RIC3: variants seen among roughly 807,000 people sequenced by gnomAD.
RIC3 encodes protein RIC-3.
In RIC3, 28 loss-of-function variants were observed where a neutral mutation model predicts 27.3. That is an observed-to-expected ratio of 1.02 (90% CI 0.76 to 1.41). RIC3 has a LOEUF of 1.41. Ranked by LOEUF, RIC3 falls within the 40% of genes most tolerant of loss-of-function variation. The probability of loss-of-function intolerance (pLI) is 0.00; values close to 1 mark genes in which losing one functional copy is unlikely to be tolerated. For synonymous variants in RIC3, 184 were observed against 160.4 expected (o/e 1.15, Z -1.11); for missense variants, 501 against 444.7 (o/e 1.13, Z -1.14).
At position 8,128,813 on chromosome 11, in the gene RIC3, G is replaced by T. The variant is rs570132267; in HGVS notation, c.522-2006C>A. 8.5e-5 allele frequency among the ~76,000 whole-genome samples: 12 copies of T among 140,426 alleles called. No individual in the cohort carries two copies. In the South Asian group the frequency reaches 2.5e-3, roughly 30 times the overall value. The allele number at this position is 140,426 out of a possible 152,430, so 92.1% of individuals were successfully genotyped here. On this transcript the variant is annotated intron_variant, in intron 4 of 5. Coordinates refer to ENST00000309737, the MANE Select transcript of RIC3 (RefSeq NM_001206671.4). ...GCTGTCGCCCAGGCTGGAGTGCAGT[G>T]GCGCCACCTCAGCTCACTGCAAGCT... is the stretch of plus-strand genomic sequence containing the variant.
chr11:8,138,598 T>C, intron 2 of RIC3: 1 of 437,150 alleles, frequency 2.3e-6, no homozygotes, highest in South Asian at 4.6e-5. Context: ...ACTCCCCATA[T>C]AATTAGGAAT....
chr11:8,144,255 G>A (rs1250466326), intron 1 of RIC3, among the ~76,000 whole-genome samples: 1 of 150,096 alleles, frequency 6.7e-6, no homozygotes, highest in Non-Finnish European at 1.5e-5. Context: ...CTACAAAATG[G>A]GAGAAAATTT....
Position 8,107,770 on chromosome 11 carries a change from A to C in RIC3, c.*2928T>G, listed in dbSNP as rs1944833022. 1 of 152,208 alleles carries C rather than the reference A, an allele frequency of 6.6e-6. No homozygotes were observed. The highest frequency in any genetic ancestry group is 2.4e-5 in the African/African-American group (1 of 41,448). The allele number at this position is 152,208 out of a possible 1,614,324, so 9.4% of individuals were successfully genotyped here. ...TGCACCACCCACCTGATTTACCAAG[A>C]GTGATCCCAGATTATGCAGTTGTTT... On this transcript the variant is annotated 3_prime_UTR_variant, in exon 6 of 6. Coordinates refer to ENST00000309737, the MANE Select transcript of RIC3 (RefSeq NM_001206671.4).
chr11:8,100,770 G>A, the RIC3 span: 22 of 1,602,394 alleles, frequency 1.4e-5, no homozygotes, highest in Middle Eastern at 3.5e-4. Flanking sequence ...ATCCCTTTCT[G>A]GGGTGGTCAT....
At position 8,110,308 on chromosome 11, in the gene RIC3, C is replaced by T. The variant is rs1945097405; in HGVS notation, c.*390G>A. On this transcript the variant is annotated 3_prime_UTR_variant, in exon 6 of 6. Transcript: ENST00000309737. ...GAGTCTGAAATCTTCATTCTTGCAA[C>T]CTTAAGTCCTCATCATCTGTAAGCT... 4 of 331,174 alleles carry T rather than the reference C, an allele frequency of 1.2e-5. No individual in the cohort carries two copies. The highest frequency in any genetic ancestry group is 2.3e-5 in the Non-Finnish European group (4 of 171,178). The allele number at this position is 331,174 out of a possible 1,614,324, so 20.5% of individuals were successfully genotyped here. A position where few individuals can be genotyped will look rare whatever the true frequency, so the allele number is the denominator to read the frequency against.
Position 8,138,254 on chromosome 11 carries a change from C to T in RIC3, c.427+18G>A, listed in dbSNP as rs199944836. 6.4e-7 allele frequency: 1 copy of T among 1,565,956 alleles called. No individual in the cohort carries two copies. On this transcript the variant is annotated intron_variant, in intron 3 of 5. Coordinates refer to ENST00000309737, the MANE Select transcript of RIC3 (RefSeq NM_001206671.4). ...TGACTCAATAATACCTGTGAATATA[C>T]TGAGAAGGGGCACTTACTAATTTTC...
At chr11:8,111,597 A>G (rs1590059389) in intron 5 of RIC3, among the ~76,000 whole-genome samples, 1 of 152,216 alleles carries the variant, frequency 6.6e-6, no homozygotes, top group African/African-American at 2.4e-5. Context: ...TTTGAAAAAT[A>G]CACCATGAAG....
At position 8,108,001 on chromosome 11, in the gene RIC3, T is replaced by C. The variant is rs1944862661; in HGVS notation, c.*2697A>G. The C allele has an allele frequency of 6.6e-6, 1 of 152,164 alleles. No individual in the cohort carries two copies. Among genetic ancestry groups the C allele is most frequent in the Middle Eastern group, 3.2e-3 (1 of 316 alleles). The allele number at this position is 152,164 out of a possible 1,614,324, so 9.4% of individuals were successfully genotyped here. On this transcript the variant is annotated 3_prime_UTR_variant, in exon 6 of 6. Coordinates refer to ENST00000309737, the MANE Select transcript of RIC3 (RefSeq NM_001206671.4). ...TAACTGTCATCCCCGAAGGATAAAA[T>C]AATTCTGGAAAATCCAAAAAGAATT...
chr11:8,100,507 C>CA, the RIC3 span: 1 of 1,614,042 alleles, frequency 6.2e-7, no homozygotes, highest in South Asian at 1.1e-5. Flanking sequence ...TCCCAGGAGA[C>CA]AAACGTCTTA....
chr11:8,151,316 G>A (rs1037239397), intron 1 of RIC3, among the ~76,000 whole-genome samples: 9 of 152,054 alleles, frequency 5.9e-5, no homozygotes, highest in African/African-American at 1.9e-4. Context: ...GGCCGGGCGC[G>A]GTGGCTCACG....
At chr11:8,134,743 C>T (rs1025658414) in intron 4 of RIC3, among the ~76,000 whole-genome samples, 1 of 152,102 alleles carries the variant, frequency 6.6e-6, no homozygotes, top group African/African-American at 2.4e-5. Flanking sequence ...TCTCTGATGG[C>T]CAGTGATGAT....
the RIC3 span, among the ~76,000 whole-genome samples, chr11:8,100,113 G>A: frequency 2.8e-4 from 43 of 152,312 alleles, no homozygotes; most frequent in African/African-American, 9.9e-4. Flanking sequence ...CCAGGCAAAG[G>A]CTGTTAGAAT....
chr11:8,153,789 C>G (rs997119599), intron 1 of RIC3, among the ~76,000 whole-genome samples: 1 of 152,180 alleles, frequency 6.6e-6, no homozygotes, highest in Non-Finnish European at 1.5e-5. Context: ...CACCTCAAGC[C>G]TAAAAATGAA....
intron 4 of RIC3, 108 bp downstream of exon 4, chr11:8,137,270 C>A: frequency 2.3e-6 from 2 of 857,864 alleles, no homozygotes; most frequent in South Asian, 3.0e-5. Flanking sequence ...ATGATCCACC[C>A]ACCTCGGCCT....
chr11:8,118,282 C>G (rs1223615110), intron 5 of RIC3, among the ~76,000 whole-genome samples: 1 of 149,786 alleles, frequency 6.7e-6, no homozygotes, highest in Non-Finnish European at 1.5e-5. Flanking sequence ...CAAAAATTCA[C>G]TGCTCCTATG....
At position 8,155,290 on chromosome 11, in the gene RIC3, T is replaced by G. The variant is rs376102153; in HGVS notation, c.124+13576A>C. On this transcript the variant is annotated intron_variant, in intron 1 of 5. Transcript: ENST00000309737. ...TAACTAAAAACTTAATGTCAATGGA[T>G]TCTGGCCAGGTGAGGTGGCTCACGT... 6.2e-4 allele frequency among the ~76,000 whole-genome samples: 94 copies of G among 151,860 alleles called. No individual in the cohort carries two copies. The South Asian group carries it at 6.7e-3, about 11-fold the overall frequency.
intron 5 of RIC3, among the ~76,000 whole-genome samples, chr11:8,115,014 G>A (rs1945692551): frequency 2.0e-5 from 3 of 152,102 alleles, no homozygotes; most frequent in Admixed American, 2.0e-4. Context: ...CGGACACAAA[G>A]GGATAGAAAG....
At chr11:8,117,155 A>T (rs1389294165) in intron 5 of RIC3, among the ~76,000 whole-genome samples, 1 of 152,112 alleles carries the variant, frequency 6.6e-6, no homozygotes, top group Non-Finnish European at 1.5e-5. Flanking sequence ...TGCAGTCTCC[A>T]CCTCTTGGAC....
intron 5 of RIC3, among the ~76,000 whole-genome samples, chr11:8,111,608 C>T (rs1294234339): frequency 1.3e-5 from 2 of 152,124 alleles, no homozygotes; most frequent in Non-Finnish European, 2.9e-5. Flanking sequence ...CACCATGAAG[C>T]TTTCTATTTA....
Sources: allele counts gnomAD v4.1 joint callset (sites outside exome capture counted in the v4.1 genomes callset), GRCh38; gene constraint gnomAD v4.1.1; transcripts MANE v1.5; gene names NCBI Gene and HGNC (gene_info 2026-07-23, HGNC 2026-07-21).